The following CAMK1D variants were observed in gnomAD, a reference collection of about 807,000 sequenced individuals.
The protein encoded by CAMK1D is calcium/calmodulin dependent protein kinase ID, also known as calcium/calmodulin-dependent protein kinase type 1D.
In CAMK1D, 9 loss-of-function variants were observed where a neutral mutation model predicts 47.7. The observed-to-expected ratio is 0.19, with a 90% CI of 0.11 to 0.33. The LOEUF is 0.33. Among genes scored for constraint, CAMK1D ranks in the 10% least tolerant of loss-of-function variants. The probability of loss-of-function intolerance (pLI) is 1.00; values close to 1 mark genes in which losing one functional copy is unlikely to be tolerated. For missense variants in CAMK1D, 291 were observed against 488.7 expected, an observed-to-expected ratio of 0.60 and a Z score of 3.81; for synonymous variants, 184 against 184.9, an observed-to-expected ratio of 0.99 and a Z score of 0.04.
At chr10:12,752,269 T>C (rs567066764) in intron 3 of CAMK1D, among the ~76,000 whole-genome samples, 8 of 152,338 alleles carry the variant, frequency 5.3e-5, no homozygotes, top group African/African-American at 1.9e-4. Context: ...GTGCTGGGAT[T>C]ACAGGGGTGA....
intron 2 of CAMK1D, among the ~76,000 whole-genome samples, chr10:12,641,787 G>A (rs1839673378): frequency 6.6e-6 from 1 of 152,130 alleles, no homozygotes; most frequent in African/African-American, 2.4e-5. Flanking sequence ...GCTCACGCAT[G>A]TAATCCCAAA....
At chr10:12,391,636 A>G (rs1838737239) in intron 1 of CAMK1D, among the ~76,000 whole-genome samples, 1 of 152,234 alleles carries the variant, frequency 6.6e-6, no homozygotes. Flanking sequence ...AAAGAAAAAC[A>G]AAACACCCTA....
At chr10:12,422,702 T>G (rs1024429538) in intron 1 of CAMK1D, among the ~76,000 whole-genome samples, 10 of 151,932 alleles carry the variant, frequency 6.6e-5, no homozygotes, top group Admixed American at 3.9e-4. Context: ...AGACAGAGTC[T>G]CAGTCTGTCG....
intron 2 of CAMK1D, among the ~76,000 whole-genome samples, chr10:12,622,808 T>A (rs1839039680): frequency 6.6e-6 from 1 of 151,912 alleles, no homozygotes; most frequent in African/African-American, 2.4e-5. Flanking sequence ...GAAGGGGAAT[T>A]TTTCTTCCTG....
chr10:12,489,867 G>A (rs1834328479), intron 1 of CAMK1D, among the ~76,000 whole-genome samples: 1 of 152,310 alleles, frequency 6.6e-6, no homozygotes, highest in Non-Finnish European at 1.5e-5. Flanking sequence ...GGGACCACGG[G>A]CTGATGTCCC....
chr10:12,733,046 G>T (rs886456552), intron 3 of CAMK1D, among the ~76,000 whole-genome samples: 1 of 152,178 alleles, frequency 6.6e-6, no homozygotes, highest in East Asian at 1.9e-4. Flanking sequence ...TAGCAATTAC[G>T]ATACATACGA....
rs545329649 is a variant in CAMK1D, at chr10:12,497,009, G to A, written c.93-56216G>A. 2.6e-5 allele frequency among the ~76,000 whole-genome samples: 4 copies of A among 152,266 alleles called. No homozygotes were observed. In the East Asian group the frequency reaches 5.8e-4, roughly 22 times the overall value. ...GCGGTGTTTGGTTTCCTGTTACTGC[G>A]TTAGTTTGCTGAAGATAATGGCTTC... On this transcript the variant is annotated intron_variant, in intron 1 of 10. Transcript: ENST00000619168.
intron 3 of CAMK1D, among the ~76,000 whole-genome samples, chr10:12,691,638 A>G (rs557932071): frequency 2.0e-5 from 3 of 151,168 alleles, no homozygotes; most frequent in Admixed American, 6.6e-5. Flanking sequence ...GTTTCACCAT[A>G]TTGGCCAGGC....
At chr10:12,797,301 T>G (rs1290677094) in intron 6 of CAMK1D, among the ~76,000 whole-genome samples, 2 of 151,446 alleles carry the variant, frequency 1.3e-5, no homozygotes, top group Non-Finnish European at 2.9e-5. Context: ...TGGGCTCAAG[T>G]CATCTTCCCA....
At chr10:12,524,631 CAGG>C (rs1390140110) in intron 1 of CAMK1D, among the ~76,000 whole-genome samples, 1 of 151,944 alleles carries the variant, frequency 6.6e-6, no homozygotes, top group Admixed American at 6.5e-5. Flanking sequence ...GGCGTGAACC[CAGG>C]AGGCAGAGCT....
intron 6 of CAMK1D, among the ~76,000 whole-genome samples, chr10:12,808,983 G>T (rs890982093): frequency 6.6e-6 from 1 of 151,848 alleles, no homozygotes. Flanking sequence ...CAGGTGTGGT[G>T]GTGTGCACCT....
At chr10:12,588,787 T>TACAC (rs546767649) in intron 2 of CAMK1D, among the ~76,000 whole-genome samples, 5 of 149,834 alleles carry the variant, frequency 3.3e-5, no homozygotes, top group South Asian at 4.2e-4. Flanking sequence ...TGTATATATA[T>TACAC]ATACACACAC....
At chr10:12,792,193 G>T (rs1313137984) in intron 6 of CAMK1D, among the ~76,000 whole-genome samples, 1 of 152,130 alleles carries the variant, frequency 6.6e-6, no homozygotes, top group Non-Finnish European at 1.5e-5. Flanking sequence ...TTCGCCTTTA[G>T]ATTTCTCATT....
chr10:12,698,951 A>G (rs11257940), intron 3 of CAMK1D, among the ~76,000 whole-genome samples: 2,225 of 152,164 alleles, frequency 0.015, 56 homozygotes, highest in African/African-American at 0.051. Flanking sequence ...GATTACAGGC[A>G]TGAGCCACTG....
chr10:12,750,379 A>T (rs75327430), intron 3 of CAMK1D, among the ~76,000 whole-genome samples: 10 of 152,298 alleles, frequency 6.6e-5, no homozygotes, highest in African/African-American at 2.4e-4. Flanking sequence ...GAAATGGATG[A>T]TTATTAAAAT....
intron 1 of CAMK1D, among the ~76,000 whole-genome samples, chr10:12,480,239 G>C (rs1163449517): frequency 6.6e-6 from 1 of 152,116 alleles, no homozygotes; most frequent in Non-Finnish European, 1.5e-5. Flanking sequence ...AGGAGTTCGA[G>C]ACCAGCCTGG....
At chr10:12,500,032 G>A (rs533459620) in intron 1 of CAMK1D, among the ~76,000 whole-genome samples, 7 of 152,292 alleles carry the variant, frequency 4.6e-5, no homozygotes, top group South Asian at 2.1e-4. Context: ...TTGGGAGGCC[G>A]AGGTGGGCAG....
At chr10:12,769,533 G>A (rs75052813) in intron 4 of CAMK1D, 140 bp from the exon 5 acceptor site, 8,507 of 838,094 alleles carry the variant, frequency 0.01, 297 homozygotes, top group East Asian at 0.077. Context: ...ATTGGCCGCC[G>A]CTTTAGTTGA....
intron 3 of CAMK1D, among the ~76,000 whole-genome samples, chr10:12,750,024 A>G (rs1027439362): frequency 6.6e-6 from 1 of 152,248 alleles, no homozygotes; most frequent in Admixed American, 6.5e-5. Flanking sequence ...AACGTCTGGC[A>G]GCTGGTCTGT....
Sources: gnomAD v4.1 joint callset for allele counts (sites outside exome capture counted in the v4.1 genomes callset) on GRCh38, gnomAD v4.1.1 for gene constraint, MANE v1.5 for transcripts, NCBI Gene and HGNC (gene_info 2026-07-23, HGNC 2026-07-21) for gene names.